The following P2RX4 variants were observed in gnomAD, a reference collection of about 807,000 sequenced individuals.
The protein encoded by P2RX4 is P2X purinoceptor 4.
In P2RX4, 37 loss-of-function variants were observed where a neutral mutation model predicts 48.0. That is an observed-to-expected ratio of 0.77 (90% CI 0.59 to 1.01). The LOEUF is 1.01. P2RX4 is among the 50% of genes least tolerant of loss of function. The pLI is 0.00. For synonymous variants in P2RX4, 200 were observed against 199.7 expected, an observed-to-expected ratio of 1.00 and a Z score of -0.01; for missense variants, 501 against 521.4, an observed-to-expected ratio of 0.96 and a Z score of 0.38.
rs766253506 is a variant in P2RX4, at chr12:121,221,888, T to C, written c.283-25T>C. On this transcript the variant is annotated intron_variant, in intron 2 of 11. Coordinates refer to ENST00000337233, the MANE Select transcript of P2RX4 (RefSeq NM_002560.3). ...CTCCGTGAGTCCTCTGAGCGTGGCT[T>C]GCCCGTGCTGTCTCCCCTCTGCAGG... 2.5e-6 allele frequency: 4 copies of C among 1,611,218 alleles called. No individual in the cohort carries two copies. The South Asian group carries it at 4.4e-5, about 18-fold the overall frequency.
At chr12:121,233,365 C>T (rs1398530927) in intron 11 of P2RX4, 158 bp from the exon 12 acceptor site, 1 of 732,358 alleles carries the variant, frequency 1.4e-6, no homozygotes, top group African/African-American at 1.7e-5. Context: ...TGTGGGCACA[C>T]ACTACTTCAG....
intron 2 of P2RX4, among the ~76,000 whole-genome samples, chr12:121,220,143 A>G (rs946032411): frequency 2.6e-5 from 4 of 152,148 alleles, no homozygotes; most frequent in African/African-American, 4.8e-5. Context: ...TTATAATTTC[A>G]GTTAGGAAAG....
At chr12:121,227,866 G>A (rs1415500522) in intron 5 of P2RX4, among the ~76,000 whole-genome samples, 3 of 151,302 alleles carry the variant, frequency 2.0e-5, no homozygotes, top group African/African-American at 7.3e-5. Flanking sequence ...TAGGAAGATT[G>A]CTTGAGGTCA....
chr12:121,232,746 C>A lies in P2RX4; in HGVS notation c.1044+70C>A. The A allele has an allele frequency of 7.8e-7, 1 of 1,274,784 alleles. No individual in the cohort carries two copies. The highest frequency in any genetic ancestry group is 1.1e-6 in the Non-Finnish European group (1 of 873,186). The allele number at this position is 1,274,784 out of a possible 1,614,324, so 79.0% of individuals were successfully genotyped here. On this transcript the variant is annotated intron_variant, in intron 10 of 11. Coordinates refer to ENST00000337233, the MANE Select transcript of P2RX4 (RefSeq NM_002560.3). This position sits in a 1 kb window ranked among gnomAD's most constrained non-coding sequence, Gnocchi z 4.3. ...CCCTGGGCTGGGGTCCTGGTCCTGG[C>A]CCTAGGCCCTAGACCTCAGATGTGT...
intron 5 of P2RX4, among the ~76,000 whole-genome samples, chr12:121,226,629 T>C (rs1886991421): frequency 6.6e-6 from 1 of 152,200 alleles, no homozygotes; most frequent in Non-Finnish European, 1.5e-5. Flanking sequence ...GCCACAGAAT[T>C]GTCCAGTTTA....
At chr12:121,231,269 G>A (rs1887341859) in intron 8 of P2RX4, among the ~76,000 whole-genome samples, 1 of 152,140 alleles carries the variant, frequency 6.6e-6, no homozygotes, top group Non-Finnish European at 1.5e-5. Flanking sequence ...AATTACAGGT[G>A]TGAGCCACCG....
intron 5 of P2RX4, among the ~76,000 whole-genome samples, chr12:121,226,502 C>T (rs1886984175): frequency 6.6e-6 from 1 of 152,076 alleles, no homozygotes; most frequent in South Asian, 2.1e-4. Context: ...AAGATCATGC[C>T]ACTGCGCTCC....
intron 1 of P2RX4, among the ~76,000 whole-genome samples, chr12:121,211,140 G>A (rs1885813921): frequency 6.6e-6 from 1 of 152,176 alleles, no homozygotes; most frequent in South Asian, 2.1e-4. Context: ...GGCTAGAGAT[G>A]CCCTACCGCC....
intron 3 of P2RX4, 39 bp downstream of exon 3, chr12:121,222,023 C>A (rs772164144): frequency 6.3e-7 from 1 of 1,597,398 alleles, no homozygotes; most frequent in Non-Finnish European, 8.6e-7. Context: ...CCCCACACCC[C>A]TCTCCACGCC....
At chr12:121,212,816 A>ATTTTTTTTTTTTT (rs1266371217) in intron 1 of P2RX4, 1 of 32,754 alleles carries the variant, frequency 3.1e-5, no homozygotes. Flanking sequence ...ATATATATAT[A>ATTTTTTTTTTTTT]TATATATATT....
In P2RX4 at chr12:121,226,660, T is replaced by C. The variant is rs540383256; in HGVS notation, c.525-1873T>C. Among the ~76,000 whole-genome samples the C allele has an allele frequency of 3.3e-5, 5 of 152,360 alleles. No individual in the cohort carries two copies. In the South Asian group the frequency reaches 1.0e-3, roughly 32 times the overall value. On this transcript the variant is annotated intron_variant, in intron 5 of 11. Coordinates refer to ENST00000337233, the MANE Select transcript of P2RX4 (RefSeq NM_002560.3). Reference sequence around the variant, plus strand: ...GTTTAAAATGGTTAATTTTATGTTATGTGAATTTCATCTCAATTTCTCTAA... The same window carrying C: ...GTTTAAAATGGTTAATTTTATGTTACGTGAATTTCATCTCAATTTCTCTAA...
rs145557966 is a variant in P2RX4, at chr12:121,210,552, G to A, written c.134+254G>A. 4.1e-3 allele frequency among the ~76,000 whole-genome samples: 632 copies of A among 152,324 alleles called. 7 individuals are homozygous for A. The highest frequency in any genetic ancestry group is 0.014 in the African/African-American group (599 of 41,598). On this transcript the variant is annotated intron_variant, in intron 1 of 11. Transcript: ENST00000337233. ...CCGAGCACTTTGGGAGCCCGAGGCG[G>A]GACCATCGCCTGAGCCCAGGAGTTC... is the stretch of plus-strand genomic sequence containing the variant.
In P2RX4 at chr12:121,228,861, G is replaced by A. The variant is rs766262361; in HGVS notation, c.742G>A (p.Val248Met). 43 of 1,614,008 alleles carry A rather than the reference G, an allele frequency of 2.7e-5. No individual in the cohort carries two copies. Among genetic ancestry groups the A allele is most frequent in the Non-Finnish European group, 3.1e-5 (36 of 1,180,032 alleles). The change falls in exon 7 of 12, where the codon GTG becomes ATG. Residue 248 changes from valine to methionine, a missense_variant. Coordinates refer to ENST00000337233, the MANE Select transcript of P2RX4 (RefSeq NM_002560.3). ...NAGHSFQDMA[V>M]EGGIMGIQVN... is the part of the protein sequence containing the mutation. Reference sequence around the variant, plus strand: ...AGGACACAGTTTCCAGGACATGGCCGTGGAGGTGGGTGCGGGCCCTGGCTC... The same window carrying A: ...AGGACACAGTTTCCAGGACATGGCCATGGAGGTGGGTGCGGGCCCTGGCTC...
At position 121,217,360 on chromosome 12, in the gene P2RX4, C is replaced by T. The variant is rs1886299261; in HGVS notation, c.282+79C>T. ...CTTTGCACACTTGATTAATGATTGA[C>T]GTGGCCTGAGTCCTGACATCACCAA... On this transcript the variant is annotated intron_variant, in intron 2 of 11. Transcript: ENST00000337233. 8.9e-6 allele frequency: 13 copies of T among 1,455,502 alleles called. No individual in the cohort carries two copies. In the East Asian group the frequency reaches 9.1e-5, roughly 10 times the overall value. 90.2% of individuals were successfully genotyped at this position (1,455,502 alleles called of 1,614,324 possible). A position where few individuals can be genotyped will look rare whatever the true frequency, so the allele number is the denominator to read the frequency against.
At chr12:121,233,176 C>G (rs750908748) in intron 11 of P2RX4, 84 bp downstream of exon 11, 1 of 952,432 alleles carries the variant, frequency 1.0e-6, no homozygotes, top group Non-Finnish European at 1.6e-6. Flanking sequence ...TCTGGGGAGG[C>G]CCTTCTGCAG....
intron 3 of P2RX4, 50 bp from the exon 4 acceptor site, chr12:121,222,043 GT>G (rs778889512): frequency 1.9e-6 from 3 of 1,597,700 alleles, no homozygotes; most frequent in Non-Finnish European, 2.6e-6. Flanking sequence ...CTGTCCACCT[GT>G]GTGTGGGGCC....
At position 121,232,717 on chromosome 12, in the gene P2RX4, G is replaced by A; in HGVS notation, c.1044+41G>A. 2 of 1,529,106 alleles carry A rather than the reference G, an allele frequency of 1.3e-6. No individual in the cohort carries two copies. The highest frequency in any genetic ancestry group is 2.2e-5 in the East Asian group (1 of 44,512). The allele number at this position is 1,529,106 out of a possible 1,614,324, so 94.7% of individuals were successfully genotyped here. A position where few individuals can be genotyped will look rare whatever the true frequency, so the allele number is the denominator to read the frequency against. On this transcript the variant is annotated intron_variant, in intron 10 of 11. Coordinates refer to ENST00000337233, the MANE Select transcript of P2RX4 (RefSeq NM_002560.3). The surrounding 1 kb of genome is among the most constrained non-coding windows in gnomAD (Gnocchi z 4.3). ...CCTGCCTTCACCCTCACGGTGAGGTGAGACCCTGGGCTGGGGTCCTGGTCC... is the reference window on the plus strand; with the variant it reads ...CCTGCCTTCACCCTCACGGTGAGGTAAGACCCTGGGCTGGGGTCCTGGTCC...
chr12:121,231,182 T>G (rs1887335574), intron 8 of P2RX4, among the ~76,000 whole-genome samples: 2 of 151,398 alleles, frequency 1.3e-5, no homozygotes. Context: ...AGAGACGGGG[T>G]TTCTCCACAT....
intron 5 of P2RX4, 128 bp from the exon 6 acceptor site, chr12:121,228,405 T>TATATATAC (rs1555237698): frequency 1.5e-4 from 35 of 231,992 alleles, no homozygotes; most frequent in Admixed American, 1.9e-4. Context: ...TATATATATA[T>TATATATAC]ACACACACAC....
Sources: gnomAD v4.1 joint callset for allele counts (sites outside exome capture counted in the v4.1 genomes callset) on GRCh38, gnomAD v4.1.1 for gene constraint, Gnocchi (gnomAD v3.1) non-coding constraint, MANE v1.5 for transcripts, NCBI Gene and HGNC (gene_info 2026-07-23, HGNC 2026-07-21) for gene names.